The following AMD1 variants were observed in gnomAD, a reference collection of about 807,000 sequenced individuals.
The protein encoded by AMD1 is S-adenosylmethionine decarboxylase proenzyme.
Under a neutral mutation model 40.2 loss-of-function variants are expected in AMD1, and 11 were observed. That is an observed-to-expected ratio of 0.27 (90% CI 0.17 to 0.45). AMD1 has a LOEUF of 0.45. AMD1 is among the 20% of genes least tolerant of loss of function. AMD1 has a pLI of 1.00. For synonymous variants in AMD1, 121 were observed against 130.8 expected (o/e 0.93, Z 0.51); for missense variants, 257 against 410.2 (o/e 0.63, Z 3.23).
rs1271903237 is a variant in AMD1 at position 110,892,899 on chromosome 6, T to G, written c.709-11T>G. The G allele has an allele frequency of 6.2e-7, 1 of 1,613,714 alleles. No homozygotes were observed. The highest frequency in any genetic ancestry group is 1.7e-5 in the Admixed American group (1 of 60,004). On this transcript the variant is annotated splice_polypyrimidine_tract_variant and intron_variant, in intron 7 of 8. Transcript: ENST00000368885. Reference sequence around the variant, plus strand: ...CTTTCCATTCTTAACACTGTGAACTTTTTCTCTCAGGGAACTTATTGGACT... The same window carrying G: ...CTTTCCATTCTTAACACTGTGAACTGTTTCTCTCAGGGAACTTATTGGACT...
the AMD1 span, chr6:110,859,235 T>G: frequency 1.9e-6 from 1 of 525,142 alleles, no homozygotes; most frequent in Non-Finnish European, 3.3e-6. Context: ...TCTTAACCTG[T>G]TCAGTGCTGC....
intron 7 of AMD1, 36 bp from the exon 8 acceptor site, chr6:110,892,874 C>T: frequency 6.2e-7 from 1 of 1,613,350 alleles, no homozygotes; most frequent in Non-Finnish European, 8.5e-7. Flanking sequence ...TGTGAATAGT[C>T]TTTCCATTCT....
chr6:110,836,804 C>T, the AMD1 span, among the ~76,000 whole-genome samples: 1 of 151,844 alleles, frequency 6.6e-6, no homozygotes, highest in African/African-American at 2.4e-5. Flanking sequence ...GTGGGAATAG[C>T]GAGTTGAGAT....
the AMD1 span, among the ~76,000 whole-genome samples, chr6:110,836,012 CAAAAAAAA>C: frequency 3.3e-5 from 2 of 60,750 alleles, no homozygotes; most frequent in African/African-American, 6.1e-5. Context: ...GACCTTGACT[CAAAAAAAA>C]AAAAAAAAAA....
intron 1 of AMD1, among the ~76,000 whole-genome samples, chr6:110,882,014 T>C (rs1785433763): frequency 6.6e-6 from 1 of 152,230 alleles, no homozygotes; most frequent in Non-Finnish European, 1.5e-5. Flanking sequence ...ATAGATCAGT[T>C]TTATAAATAG....
chr6:110,862,017 A>G, the AMD1 span, among the ~76,000 whole-genome samples: 3 of 133,838 alleles, frequency 2.2e-5, no homozygotes, highest in Non-Finnish European at 4.8e-5. Context: ...AAGATTTAAA[A>G]TCTTTTTTTT....
At chr6:110,861,551 G>C in the AMD1 span, among the ~76,000 whole-genome samples, 2 of 149,936 alleles carry the variant, frequency 1.3e-5, no homozygotes, top group African/African-American at 4.9e-5. Context: ...AATAAAATAC[G>C]ATAAAATAGG....
rs1236560365 is a variant in AMD1, at chr6:110,895,412, C to G, written c.*1796C>G. 3 of 151,878 alleles carry G rather than the reference C, an allele frequency of 2.0e-5. No homozygotes were observed. Among genetic ancestry groups the G allele is most frequent in the Non-Finnish European group, 2.9e-5 (2 of 67,980 alleles). The allele number at this position is 151,878 out of a possible 1,614,324, so 9.4% of individuals were successfully genotyped here. On this transcript the variant is annotated 3_prime_UTR_variant, in exon 9 of 9. Coordinates refer to ENST00000368885, the MANE Select transcript of AMD1 (RefSeq NM_001634.6). ...GTGGACTTTGTTCGTAAACAATATC[C>G]CAATAGATTTGTTGACTTGAGGTCT...
chr6:110,821,788 A>G, the AMD1 span, among the ~76,000 whole-genome samples: 1 of 152,218 alleles, frequency 6.6e-6, no homozygotes. Flanking sequence ...TAAGTTATCA[A>G]ATATCAAAAC....
chr6:110,815,280 C>T, the AMD1 span: 1 of 956,086 alleles, frequency 1.0e-6, no homozygotes, highest in Non-Finnish European at 1.4e-6. Context: ...CGCCGCTCCG[C>T]GGTCCGCCTT....
intron 4 of AMD1, chr6:110,891,413 C>T (rs1478933244): frequency 6.6e-6 from 1 of 152,120 alleles, no homozygotes; most frequent in Non-Finnish European, 1.5e-5. Context: ...ATTGACCTGG[C>T]TTTTTAAAAT....
upstream of AMD1, among the ~76,000 whole-genome samples, chr6:110,873,639 TC>T (rs1213428641): frequency 1.3e-5 from 2 of 152,222 alleles, no homozygotes; most frequent in African/African-American, 4.8e-5. Context: ...TGGGTTTTTT[TC>T]CTCCCATATT....
chr6:110,884,115 A>C (rs1785558645), intron 1 of AMD1, among the ~76,000 whole-genome samples: 1 of 152,256 alleles, frequency 6.6e-6, no homozygotes, highest in African/African-American at 2.4e-5. Flanking sequence ...CAGCCTGGCC[A>C]TTGGGTGGCA....
At chr6:110,847,270 A>T in the AMD1 span, among the ~76,000 whole-genome samples, 3 of 152,112 alleles carry the variant, frequency 2.0e-5, no homozygotes, top group Non-Finnish European at 2.9e-5. Context: ...TCACGCCTGT[A>T]ATCCCAGCAC....
the AMD1 span, among the ~76,000 whole-genome samples, chr6:110,854,358 A>T: frequency 1.5e-3 from 234 of 152,292 alleles, no homozygotes; most frequent in African/African-American, 5.1e-3. Flanking sequence ...AATTTAAATG[A>T]GTTACAACTA....
chr6:110,835,461 T>C, the AMD1 span, among the ~76,000 whole-genome samples: 19 of 152,242 alleles, frequency 1.2e-4, no homozygotes. Context: ...TCCTACACTT[T>C]GAATGAATCT....
chr6:110,859,384 G>A, the AMD1 span, among the ~76,000 whole-genome samples: 1 of 151,966 alleles, frequency 6.6e-6, no homozygotes, highest in Non-Finnish European at 1.5e-5. Context: ...GTAGGGTAAA[G>A]GTCCCTGCTG....
chr6:110,841,513 G>A, the AMD1 span, among the ~76,000 whole-genome samples: 6 of 151,926 alleles, frequency 3.9e-5, no homozygotes, highest in Admixed American at 6.6e-5. Context: ...AAATCTTTTC[G>A]TAAGCAACTT....
the AMD1 span, among the ~76,000 whole-genome samples, chr6:110,816,120 C>T: frequency 6.6e-6 from 1 of 152,152 alleles, no homozygotes; most frequent in Non-Finnish European, 1.5e-5. Context: ...CTGCCTTGGC[C>T]AGAGGAGAAC....
Sources: allele counts gnomAD v4.1 joint callset (sites outside exome capture counted in the v4.1 genomes callset), GRCh38; gene constraint gnomAD v4.1.1; transcripts MANE v1.5; gene names NCBI Gene and HGNC (gene_info 2026-07-23, HGNC 2026-07-21).